SPATS2L: variants seen among roughly 807,000 people sequenced by gnomAD.
The protein encoded by SPATS2L is SPATS2-like protein.
SPATS2L carries 30 observed loss-of-function variants against 59.6 expected under a neutral mutation model. The observed-to-expected ratio is 0.50, with a 90% CI of 0.38 to 0.68. The LOEUF (loss-of-function observed/expected upper bound fraction) is 0.68. SPATS2L is among the 30% of genes least tolerant of loss of function. The probability of loss-of-function intolerance (pLI) is 0.00; values close to 1 mark genes in which losing one functional copy is unlikely to be tolerated. For missense variants in SPATS2L, 615 were observed against 700.0 expected, an observed-to-expected ratio of 0.88 and a Z score of 1.37; for synonymous variants, 252 against 263.5, an observed-to-expected ratio of 0.96 and a Z score of 0.42.
rs546441390 is a variant in SPATS2L, at chr2:200,479,170, C to G, written c.*1139C>G. ...CACCTGCTTTGGCCTCCGAAACTGC[C>G]GGAATTACAGGCATGAGCCACCGTA... On this transcript the variant is annotated 3_prime_UTR_variant, in exon 13 of 13. Transcript: ENST00000409140. The G allele has an allele frequency of 6.1e-6, 1 of 164,144 alleles. No individual in the cohort carries two copies. The highest frequency in any genetic ancestry group is 1.3e-5 in the Non-Finnish European group (1 of 76,274). The allele number at this position is 164,144 out of a possible 1,614,324, so 10.2% of individuals were successfully genotyped here.
chr2:200,333,952 G>T lies in SPATS2L; in HGVS notation c.-23+4472G>T, dbSNP rs369140771. 6.6e-5 allele frequency among the ~76,000 whole-genome samples: 10 copies of T among 152,116 alleles called. No homozygotes were observed. The East Asian group carries it at 1.9e-3, about 29-fold the overall frequency. On this transcript the variant is annotated intron_variant, in intron 2 of 12. Coordinates refer to ENST00000409140, the MANE Select transcript of SPATS2L (RefSeq NM_001100423.2). ...AGTCTTTGCTATTGTGAATAGTGCC[G>T]CAATAAACATACATGTGCATGTGTC...
In SPATS2L at chr2:200,459,828, G is replaced by A; in HGVS notation, c.847+1G>A. ...ATGGATAAAGTTAAAGAAGAAGCCA[G>A]TAAGTAGACAACACATGGTTATTTG... On this transcript the variant is annotated splice_donor_variant, in intron 9 of 12. Transcript: ENST00000409140. LOFTEE classifies it high-confidence loss of function. 1 of 1,606,570 alleles carries A rather than the reference G, an allele frequency of 6.2e-7. No individual in the cohort carries two copies. Among genetic ancestry groups the A allele is most frequent in the Non-Finnish European group, 8.5e-7 (1 of 1,174,120 alleles).
Position 200,467,362 on chromosome 2 carries a change from C to T in SPATS2L, c.920C>T (p.Ala307Val). ...CTCACTGACCTTGCCAGTCAGATGG[C>T]AGAGATGCAGCTGGCCGAACTCAGG... ...KRLTDLASQM[A>V]EMQLAELRAE... The change falls in exon 10 of 13, where the codon GCA becomes GTA. Residue 307 changes from alanine to valine, a missense_variant. Ala to Val is a moderately conservative substitution (Grantham distance 64). Coordinates refer to ENST00000409140, the MANE Select transcript of SPATS2L (RefSeq NM_001100423.2). 1 of 1,613,960 alleles carries T rather than the reference C, an allele frequency of 6.2e-7. No homozygotes were observed. Among genetic ancestry groups the T allele is most frequent in the Non-Finnish European group, 8.5e-7 (1 of 1,179,822 alleles).
At chr2:200,308,540 A>G (rs2079098574) in intron 1 of SPATS2L, among the ~76,000 whole-genome samples, 1 of 152,200 alleles carries the variant, frequency 6.6e-6, no homozygotes, top group Non-Finnish European at 1.5e-5. Context: ...AACCTATTGT[A>G]TGGAGCAGCA....
In SPATS2L at chr2:200,397,184, C is replaced by T. The variant is rs563806723; in HGVS notation, c.39+7901C>T. On this transcript the variant is annotated intron_variant, in intron 3 of 12. Transcript: ENST00000409140. Reference sequence around the variant, plus strand: ...ACTCCTTCCAGTCTTTCCTGGTAGCCCCTGTGCACTGCAGCTGAGAGGTAT... The same window carrying T: ...ACTCCTTCCAGTCTTTCCTGGTAGCTCCTGTGCACTGCAGCTGAGAGGTAT... Among the ~76,000 whole-genome samples the T allele has an allele frequency of 2.6e-5, 4 of 152,280 alleles. No homozygotes were observed. The East Asian group carries it at 5.8e-4, about 22-fold the overall frequency.
chr2:200,348,898 A>C (rs1430966060), intron 2 of SPATS2L, among the ~76,000 whole-genome samples: 1 of 152,108 alleles, frequency 6.6e-6, no homozygotes, highest in Non-Finnish European at 1.5e-5. Flanking sequence ...AAAAAAAAAA[A>C]AAATTTGCAT....
chr2:200,343,981 T>C (rs1053014251), intron 2 of SPATS2L, among the ~76,000 whole-genome samples: 1 of 152,042 alleles, frequency 6.6e-6, no homozygotes, highest in African/African-American at 2.4e-5. Flanking sequence ...GTCTTTTAAT[T>C]TTCCTACTCT....
intron 2 of SPATS2L, 134 bp downstream of exon 2, chr2:200,329,614 C>T (rs1449589938): frequency 2.8e-6 from 2 of 723,708 alleles, no homozygotes; most frequent in East Asian, 5.4e-5. Flanking sequence ...GGGCTCAACA[C>T]CAGAGTTCTC....
intron 6 of SPATS2L, among the ~76,000 whole-genome samples, chr2:200,438,340 CTT>C (rs1254399569): frequency 6.6e-6 from 1 of 152,138 alleles, no homozygotes; most frequent in Non-Finnish European, 1.5e-5. Flanking sequence ...ACTGGCTTCC[CTT>C]TTCTCACACC....
upstream of SPATS2L, chr2:200,306,473 G>A (rs2079014309): frequency 2.0e-6 from 2 of 1,002,452 alleles, no homozygotes; most frequent in Non-Finnish European, 2.4e-6. Flanking sequence ...AGGAGCTAGG[G>A]AGGGCGTGTG....
Position 200,397,646 on chromosome 2 carries a change from A to G in SPATS2L, c.39+8363A>G, listed in dbSNP as rs184252361. ...ACTTATCCTATAGTAATATATTATT[A>G]TATAATAATAATATCATAGACTTTG... On this transcript the variant is annotated intron_variant, in intron 3 of 12. Transcript: ENST00000409140. Among the ~76,000 whole-genome samples the G allele has an allele frequency of 4.3e-4, 65 of 151,640 alleles. No homozygotes were observed. The East Asian group carries it at 0.011, about 25-fold the overall frequency.
At chr2:200,347,731 A>G (rs2080564844) in intron 2 of SPATS2L, among the ~76,000 whole-genome samples, 1 of 152,188 alleles carries the variant, frequency 6.6e-6, no homozygotes, top group Admixed American at 6.5e-5. Context: ...TGTCCACCCC[A>G]CCAAGTATGC....
intron 8 of SPATS2L, among the ~76,000 whole-genome samples, chr2:200,444,152 G>A (rs1446859478): frequency 6.6e-6 from 1 of 152,176 alleles, no homozygotes; most frequent in Admixed American, 6.5e-5. Context: ...TTTCTTTTCT[G>A]TATGATTGGC....
chr2:200,385,688 A>G (rs1480208144), intron 2 of SPATS2L, among the ~76,000 whole-genome samples: 3 of 152,108 alleles, frequency 2.0e-5, no homozygotes, highest in African/African-American at 7.2e-5. Context: ...CTAGTCACTT[A>G]AACTTAAAAT....
At chr2:200,324,376 C>T (rs1260837543) in intron 1 of SPATS2L, among the ~76,000 whole-genome samples, 1 of 152,182 alleles carries the variant, frequency 6.6e-6, no homozygotes, top group East Asian at 1.9e-4. Context: ...CCCACTGGTC[C>T]CAGGACTCTC....
In SPATS2L at chr2:200,459,869, A is replaced by G. The variant is rs183094738; in HGVS notation, c.847+42A>G. 19 of 1,403,834 alleles carry G rather than the reference A, an allele frequency of 1.4e-5. No homozygotes were observed. In the East Asian group the frequency reaches 3.4e-4, roughly 25 times the overall value. 87.0% of individuals were successfully genotyped at this position (1,403,834 alleles called of 1,614,324 possible). On this transcript the variant is annotated intron_variant, in intron 9 of 12. Coordinates refer to ENST00000409140, the MANE Select transcript of SPATS2L (RefSeq NM_001100423.2). ...TGGTTATTTGATTAGGAGCTTCCCA[A>G]TCAGAAGCAATCCATAGGTCAGACT...
intron 11 of SPATS2L, among the ~76,000 whole-genome samples, chr2:200,472,186 G>A (rs1437877852): frequency 1.3e-5 from 2 of 152,234 alleles, no homozygotes; most frequent in African/African-American, 4.8e-5. Context: ...TGAGGCTGCA[G>A]AAAACGGGGC....
upstream of SPATS2L, chr2:200,305,957 T>A: frequency 1.3e-6 from 1 of 762,070 alleles, no homozygotes; most frequent in Non-Finnish European, 1.6e-6. Context: ...GAGAAACTGC[T>A]TTTACTCTCC....
chr2:200,369,170 A>AT (rs989656835), intron 2 of SPATS2L, among the ~76,000 whole-genome samples: 24 of 151,248 alleles, frequency 1.6e-4, no homozygotes, highest in Admixed American at 1.3e-3. Flanking sequence ...TTATTTATTT[A>AT]TTTTTTGAGA....
Sources: allele counts gnomAD v4.1 joint callset (sites outside exome capture counted in the v4.1 genomes callset), GRCh38; gene constraint gnomAD v4.1.1; transcripts MANE v1.5; gene names NCBI Gene and HGNC (gene_info 2026-07-23, HGNC 2026-07-21).